The following NALCN variants were observed in gnomAD, a reference collection of about 807,000 sequenced individuals.
NALCN encodes sodium leak channel NALCN.
A neutral mutation model predicts 225.3 loss-of-function variants in NALCN; 111 were observed. The observed-to-expected ratio is 0.49, with a 90% CI of 0.42 to 0.58. The LOEUF (loss-of-function observed/expected upper bound fraction) is 0.58, where lower values mean the gene tolerates loss of function less well. Ranked by LOEUF, NALCN falls within the 20% of genes least tolerant of loss-of-function variation. The pLI, the probability that NALCN is intolerant of heterozygous loss-of-function variation, is 0.00. For missense variants in NALCN, 1,378 were observed against 2,202.4 expected, an observed-to-expected ratio of 0.63 and a Z score of 7.49; for synonymous variants, 764 against 769.0, an observed-to-expected ratio of 0.99 and a Z score of 0.11.
At chr13:101,098,497 T>C (rs2034634335) in intron 27 of NALCN, among the ~76,000 whole-genome samples, 1 of 152,128 alleles carries the variant, frequency 6.6e-6, no homozygotes, top group Non-Finnish European at 1.5e-5. Context: ...TCCATATCTA[T>C]ATCTATATTG....
intron 17 of NALCN, among the ~76,000 whole-genome samples, chr13:101,136,696 G>C (rs572108059): frequency 6.6e-6 from 1 of 152,062 alleles, no homozygotes; most frequent in African/African-American, 2.4e-5. Flanking sequence ...TCTTAATCCA[G>C]TCTATCATTG....
intron 13 of NALCN, among the ~76,000 whole-genome samples, chr13:101,197,444 C>T (rs1385658278): frequency 6.6e-6 from 1 of 152,042 alleles, no homozygotes; most frequent in Admixed American, 6.6e-5. Context: ...TTATTCATTT[C>T]CTTAGGTTTT....
intron 20 of NALCN, among the ~76,000 whole-genome samples, chr13:101,110,144 T>A (rs1031825596): frequency 2.0e-5 from 3 of 152,292 alleles, no homozygotes; most frequent in East Asian, 3.9e-4. Flanking sequence ...ACTTAGAGTC[T>A]AAAAGCAAAA....
At chr13:101,203,224 CT>C (rs200478892) in intron 13 of NALCN, among the ~76,000 whole-genome samples, 1 of 151,838 alleles carries the variant, frequency 6.6e-6, no homozygotes, top group East Asian at 1.9e-4. Context: ...CCTATGTTTT[CT>C]TTTTTTTGAG....
chr13:101,297,001 T>C (rs952237251), intron 7 of NALCN, among the ~76,000 whole-genome samples: 2 of 152,214 alleles, frequency 1.3e-5, no homozygotes. Flanking sequence ...CAAAATTATA[T>C]TCCCATCTGT....
intron 6 of NALCN, among the ~76,000 whole-genome samples, chr13:101,346,812 A>T (rs944707028): frequency 6.6e-6 from 1 of 152,136 alleles, no homozygotes; most frequent in African/African-American, 2.4e-5. Flanking sequence ...TATCTGAGGT[A>T]TCCCACACAG....
chr13:101,144,971 T>C, intron 15 of NALCN, 75 bp from the exon 16 acceptor site: 3 of 1,455,338 alleles, frequency 2.1e-6, no homozygotes, highest in Non-Finnish European at 1.8e-6. Context: ...AAATTAGTTT[T>C]AGAATGGAAG....
At position 101,323,546 on chromosome 13, in the gene NALCN, GATT is replaced by G. The variant is rs147962312; in HGVS notation, c.799+21717_799+21719del. Among the ~76,000 whole-genome samples, 1,015 of 152,276 alleles carry G rather than the reference GATT, an allele frequency of 6.7e-3. 11 individuals carry two copies. Among genetic ancestry groups the G allele is most frequent in the African/African-American group, 0.023 (943 of 41,542 alleles). On this transcript the variant is annotated intron_variant, in intron 7 of 43. Transcript: ENST00000251127. ...TTAATATTGTATTTCCTCAGTGCAT[GATT>G]ATTATTTTACAGTCAATAACTTTTG...
chr13:101,372,625 T>A (rs1452748057), intron 6 of NALCN, among the ~76,000 whole-genome samples: 2 of 152,148 alleles, frequency 1.3e-5, no homozygotes, highest in African/African-American at 2.4e-5. Flanking sequence ...TTAGAAGATA[T>A]TTGAATTGAA....
chr13:101,155,152 C>T (rs1374916962), intron 15 of NALCN, among the ~76,000 whole-genome samples: 2 of 152,134 alleles, frequency 1.3e-5, no homozygotes, highest in Admixed American at 6.6e-5. Context: ...ATGAGAGTTG[C>T]AAAGATAGTA....
rs9585623 is a variant in NALCN, at chr13:101,095,452, C to T, written c.3269+122G>A. On this transcript the variant is annotated intron_variant, in intron 28 of 43. Coordinates refer to ENST00000251127, the MANE Select transcript of NALCN (RefSeq NM_052867.4). ...TAATCTAGCGCTTCGCCCTGTATGACTTAAGATCATTTTAACATCTCTAGC... is the reference window on the plus strand; with the variant it reads ...TAATCTAGCGCTTCGCCCTGTATGATTTAAGATCATTTTAACATCTCTAGC... 2.0e-3 allele frequency: 1,489 copies of T among 754,028 alleles called. 22 individuals carry two copies. In the African/African-American group the frequency reaches 0.023, roughly 12 times the overall value. 46.7% of individuals were successfully genotyped at this position (754,028 alleles called of 1,614,324 possible). A position where few individuals can be genotyped will look rare whatever the true frequency, so the allele number is the denominator to read the frequency against.
rs149644813 is a variant in NALCN at position 101,065,542 on chromosome 13, C to T, written c.4466G>A (p.Arg1489His). The T allele has an allele frequency of 6.2e-6, 10 of 1,613,718 alleles. 1 individual carries two copies. The highest frequency in any genetic ancestry group is 1.6e-4 in the Middle Eastern group (1 of 6,084). The part of the protein sequence containing the change: ...DKREGVIPTF[R>H]VKFLLRLLRG... Reference sequence around the variant, plus strand: ...CAGTAGCCGCAGCAGGAACTTGACGCGGAACGTGGGGATCACCCCCTGCGG... The same window carrying T: ...CAGTAGCCGCAGCAGGAACTTGACGTGGAACGTGGGGATCACCCCCTGCGG... Residue 1489 changes from arginine (R) to histidine (H), a missense_variant, in exon 40 of 44, where the codon CGC becomes CAC. Physicochemically the swap from Arg to His is conservative, Grantham distance 29 (BLOSUM62 0). Around this residue, in one of 19 missense-constraint regions of NALCN, gnomAD observed 94 missense variants for 170.3 expected, o/e 0.55. Transcript: ENST00000251127.
chr13:101,149,474 C>T (rs2037528980), intron 15 of NALCN, among the ~76,000 whole-genome samples: 1 of 152,208 alleles, frequency 6.6e-6, no homozygotes, highest in African/African-American at 2.4e-5. Context: ...CTCCCCAAAG[C>T]TTGTACGCTC....
intron 15 of NALCN, among the ~76,000 whole-genome samples, chr13:101,172,346 C>G (rs1179456092): frequency 6.6e-6 from 1 of 152,174 alleles, no homozygotes; most frequent in African/African-American, 2.4e-5. Context: ...CACCTTTATC[C>G]CTGAGTTATA....
intron 7 of NALCN, among the ~76,000 whole-genome samples, chr13:101,305,184 G>A (rs1440405083): frequency 6.6e-6 from 1 of 152,188 alleles, no homozygotes; most frequent in African/African-American, 2.4e-5. Context: ...TGAGAGGGCA[G>A]GTCAAACGTT....
intron 13 of NALCN, among the ~76,000 whole-genome samples, chr13:101,192,755 T>C (rs1385770647): frequency 6.6e-6 from 1 of 152,210 alleles, no homozygotes; most frequent in Non-Finnish European, 1.5e-5. Context: ...TTTCTGCCAA[T>C]ATCTTTGGCT....
In NALCN at chr13:101,359,152, A is replaced by AC. The variant is rs770337316; in HGVS notation, c.645-13733dup. ...TGGCACATGTATACCTAGGTAGCAA[A>AC]CCTGCACATTCTGCCCATGTATCCC... On this transcript the variant is annotated intron_variant, in intron 6 of 43. Coordinates refer to ENST00000251127, the MANE Select transcript of NALCN (RefSeq NM_052867.4). Among the ~76,000 whole-genome samples, 4 of 152,290 alleles carry AC rather than the reference A, an allele frequency of 2.6e-5. No homozygotes were observed. In the East Asian group the frequency reaches 7.7e-4, roughly 29 times the overall value.
intron 39 of NALCN, 32 bp downstream of exon 39, chr13:101,067,886 G>T: frequency 1.4e-6 from 2 of 1,404,950 alleles, no homozygotes; most frequent in Non-Finnish European, 2.0e-6. Context: ...TCTCTTTGAG[G>T]TGAGGCATGA....
chr13:101,084,196 T>C lies in NALCN; in HGVS notation c.3490-392A>G, dbSNP rs574196505. Reference sequence around the variant, plus strand: ...CAATGCTGTGGCTTCCAGTTAAGGGTATGTTGTCTTTCTTTAAAAAATGTC... The same window carrying C: ...CAATGCTGTGGCTTCCAGTTAAGGGCATGTTGTCTTTCTTTAAAAAATGTC... On this transcript the variant is annotated intron_variant, in intron 30 of 43. Transcript: ENST00000251127. 2.6e-5 allele frequency among the ~76,000 whole-genome samples: 4 copies of C among 152,270 alleles called. No homozygotes were observed. In the East Asian group the frequency reaches 7.7e-4, roughly 29 times the overall value.
Sources: allele counts gnomAD v4.1 joint callset (sites outside exome capture counted in the v4.1 genomes callset), GRCh38; gene constraint gnomAD v4.1.1; regional missense constraint gnomAD v4.1.1; transcripts MANE v1.5; gene names NCBI Gene and HGNC (gene_info 2026-07-23, HGNC 2026-07-21).